Variants in CLEC16A observed in about 807,000 individuals in gnomAD.
The protein encoded by CLEC16A is protein CLEC16A.
A neutral mutation model predicts 109.5 loss-of-function variants in CLEC16A; 51 were observed. The ratio of observed to expected loss-of-function variants is 0.47; its 90% CI spans 0.37 to 0.59. The LOEUF (loss-of-function observed/expected upper bound fraction) is 0.59. Among genes scored for constraint, CLEC16A ranks in the 20% least tolerant of loss-of-function variants. The pLI is 0.00. For synonymous variants in CLEC16A, 673 were observed against 564.2 expected (o/e 1.19, Z -2.73); for missense variants, 1,339 against 1,394.0 (o/e 0.96, Z 0.63).
At chr16:11,049,613 A>G (rs1346783325) in intron 17 of CLEC16A, among the ~76,000 whole-genome samples, 4 of 152,220 alleles carry the variant, frequency 2.6e-5, no homozygotes. Flanking sequence ...GCCTTCAGGA[A>G]TGCAGCTTCT....
At chr16:11,175,920 C>T (rs1038258344) in intron 23 of CLEC16A, among the ~76,000 whole-genome samples, 27 of 152,230 alleles carry the variant, frequency 1.8e-4, no homozygotes, top group African/African-American at 6.3e-4. Context: ...AAAACACTTA[C>T]ATCGAAATTT....
At chr16:11,160,839 C>G (rs1397747209) in intron 22 of CLEC16A, among the ~76,000 whole-genome samples, 1 of 152,212 alleles carries the variant, frequency 6.6e-6, no homozygotes, top group Non-Finnish European at 1.5e-5. Context: ...ATCCTCATAG[C>G]TCAGGGCAGC....
chr16:10,965,328 T>C (rs970737886), intron 3 of CLEC16A, among the ~76,000 whole-genome samples: 2 of 152,262 alleles, frequency 1.3e-5, no homozygotes, highest in Non-Finnish European at 2.9e-5. Flanking sequence ...CTTTTATTTT[T>C]GTTTTCTAAT....
intron 22 of CLEC16A, among the ~76,000 whole-genome samples, chr16:11,133,222 C>G (rs2053337932): frequency 6.6e-6 from 1 of 151,984 alleles, no homozygotes; most frequent in African/African-American, 2.4e-5. Flanking sequence ...ACCTGTAGTC[C>G]CAGCTACTCG....
Position 11,095,850 on chromosome 16 carries a change from C to T in CLEC16A, c.2117-24765C>T, listed in dbSNP as rs2050580868. ...AAAAAAAAAAAAAGGGAGCTAGAAG[C>T]GTAGCTGTAGCGTAAGATTGGCACC... On this transcript the variant is annotated intron_variant, in intron 19 of 23. Transcript: ENST00000409790. Among the ~76,000 whole-genome samples, 3 of 148,954 alleles carry T rather than the reference C, an allele frequency of 2.0e-5. No individual in the cohort carries two copies. In the South Asian group the frequency reaches 6.4e-4, roughly 32 times the overall value.
intron 13 of CLEC16A, among the ~76,000 whole-genome samples, chr16:11,026,839 C>A (rs527735608): frequency 6.6e-6 from 1 of 152,158 alleles, no homozygotes; most frequent in South Asian, 2.1e-4. Context: ...ACCCTGGAAG[C>A]GGTGCAACTT....
At chr16:11,027,003 A>C (rs2046444505) in intron 13 of CLEC16A, 1 of 1,562,646 alleles carries the variant, frequency 6.4e-7, no homozygotes, top group African/African-American at 1.4e-5. Context: ...GCGCATGATC[A>C]GTAGCTGCAC....
At chr16:11,153,856 C>A (rs7204935) in intron 22 of CLEC16A, among the ~76,000 whole-genome samples, 45,164 of 151,894 alleles carry the variant, frequency 0.3, 7,251 homozygotes, top group African/African-American at 0.43. Context: ...GACACATTAG[C>A]TCAGCATTTG....
intron 10 of CLEC16A, among the ~76,000 whole-genome samples, chr16:10,992,205 A>G (rs2044059720): frequency 6.6e-6 from 1 of 152,136 alleles, no homozygotes; most frequent in Non-Finnish European, 1.5e-5. Flanking sequence ...GCAATAGAAC[A>G]CCAGATCTCA....
chr16:11,025,668 T>G (rs2046366739), intron 13 of CLEC16A, among the ~76,000 whole-genome samples: 1 of 152,224 alleles, frequency 6.6e-6, no homozygotes, highest in Admixed American at 6.5e-5. Context: ...AGGTTTTTTA[T>G]AAGCTTATTG....
At chr16:11,176,184 C>T (rs569838337) in intron 23 of CLEC16A, among the ~76,000 whole-genome samples, 64 of 152,358 alleles carry the variant, frequency 4.2e-4, no homozygotes, top group African/African-American at 1.3e-3. Context: ...TCAGGGCGCA[C>T]GCCTGAGCTG....
intron 18 of CLEC16A, among the ~76,000 whole-genome samples, chr16:11,060,263 G>C (rs1168229715): frequency 6.6e-6 from 1 of 152,168 alleles, no homozygotes; most frequent in Non-Finnish European, 1.5e-5. Flanking sequence ...CTAGGTGCGA[G>C]GTCTCTGCCC....
chr16:11,181,988 A>G lies in CLEC16A; in HGVS notation c.*3298A>G, dbSNP rs1265673986. ...CCTTATGTTTCCTTGAGCTAAAAAT[A>G]TGTAAATAATTTTTGTCCCAGTGAG... On this transcript the variant is annotated 3_prime_UTR_variant, in exon 24 of 24. Coordinates refer to ENST00000409790, the MANE Select transcript of CLEC16A (RefSeq NM_015226.3). The G allele has an allele frequency of 6.6e-6, 1 of 152,616 alleles. No individual in the cohort carries two copies. The highest frequency in any genetic ancestry group is 1.5e-5 in the Non-Finnish European group (1 of 68,042). The allele number at this position is 152,616 out of a possible 1,614,324, so 9.5% of individuals were successfully genotyped here. A position where few individuals can be genotyped will look rare whatever the true frequency, so the allele number is the denominator to read the frequency against.
At chr16:11,012,841 T>G (rs1254852434) in intron 11 of CLEC16A, among the ~76,000 whole-genome samples, 1 of 152,178 alleles carries the variant, frequency 6.6e-6, no homozygotes, top group Non-Finnish European at 1.5e-5. Context: ...TGTCATGCAT[T>G]TGTATTATCG....
intron 4 of CLEC16A, among the ~76,000 whole-genome samples, chr16:10,970,737 A>G (rs2042741093): frequency 6.6e-6 from 1 of 152,068 alleles, no homozygotes; most frequent in Non-Finnish European, 1.5e-5. Flanking sequence ...TACCACTACT[A>G]CTGCTCTTTT....
At chr16:10,963,627 T>C (rs2042360537) in intron 3 of CLEC16A, among the ~76,000 whole-genome samples, 1 of 152,152 alleles carries the variant, frequency 6.6e-6, no homozygotes, top group Non-Finnish European at 1.5e-5. Context: ...AGTGTGTGAC[T>C]CCGAACTTCT....
Position 10,977,393 on chromosome 16 carries a change from G to C in CLEC16A, c.897G>C (p.Gln299His). ...LPLYVYSLENQDKGGERPKIS... is the reference protein window; with the variant it reads ...LPLYVYSLENHDKGGERPKIS... Reference sequence around the variant, plus strand: ...TCTACGTGTACTCACTGGAGAACCAGGACAAGGTGGGTCCAGCCCCGTGGC... The same window carrying C: ...TCTACGTGTACTCACTGGAGAACCACGACAAGGTGGGTCCAGCCCCGTGGC... Residue 299 changes from glutamine (Q) to histidine (H), a missense_variant, in exon 8 of 24, where the codon CAG becomes CAC. Gln to His is a conservative substitution (Grantham distance 24). Transcript: ENST00000409790. 2.5e-6 allele frequency: 4 copies of C among 1,613,078 alleles called. No homozygotes were observed. The highest frequency in any genetic ancestry group is 3.4e-6 in the Non-Finnish European group (4 of 1,179,430).
At chr16:11,112,978 A>G (rs1321225966) in intron 19 of CLEC16A, among the ~76,000 whole-genome samples, 1 of 152,144 alleles carries the variant, frequency 6.6e-6, no homozygotes, top group Non-Finnish European at 1.5e-5. Context: ...CATTCTCAGT[A>G]TAGGTACTTA....
intron 6 of CLEC16A, 108 bp from the exon 7 acceptor site, chr16:10,972,830 C>A: frequency 1.7e-6 from 2 of 1,186,638 alleles, no homozygotes; most frequent in Non-Finnish European, 2.3e-6. Flanking sequence ...TAGCAGAGGG[C>A]TTTTTCATTG....
Sources: gnomAD v4.1 joint callset for allele counts (sites outside exome capture counted in the v4.1 genomes callset) on GRCh38, gnomAD v4.1.1 for gene constraint, MANE v1.5 for transcripts, NCBI Gene and HGNC (gene_info 2026-07-23, HGNC 2026-07-21) for gene names.